NAALADL2: variants seen among roughly 807,000 people sequenced by gnomAD.
NAALADL2 encodes N-acetylated alpha-linked acidic dipeptidase like 2.
NAALADL2 carries 76 observed loss-of-function variants against 87.2 expected under a neutral mutation model. The observed-to-expected ratio is 0.87, with a 90% CI of 0.72 to 1.05. NAALADL2 has a LOEUF of 1.05. Ranked by LOEUF, NAALADL2 falls within the 50% of genes least tolerant of loss-of-function variation. The pLI, the probability that NAALADL2 is intolerant of heterozygous loss-of-function variation, is 0.00. For missense variants in NAALADL2, 1,089 were observed against 945.8 expected (o/e 1.15, Z -1.99); for synonymous variants, 354 against 331.0 (o/e 1.07, Z -0.75).
At chr3:175,017,649 C>G (rs1417228540) in intron 1 of NAALADL2, among the ~76,000 whole-genome samples, 6 of 152,046 alleles carry the variant, frequency 3.9e-5, no homozygotes, top group Non-Finnish European at 7.4e-5. Context: ...AAGACTCAGA[C>G]TAAAAATAGA....
chr3:175,338,280 T>C (rs1048911387), intron 5 of NAALADL2, among the ~76,000 whole-genome samples: 2 of 152,124 alleles, frequency 1.3e-5, no homozygotes, highest in African/African-American at 2.4e-5. Flanking sequence ...ATCTGATCCA[T>C]TTTAAGCATT....
At position 175,346,249 on chromosome 3, in the gene NAALADL2, AT is replaced by A. The variant is rs201477445; in HGVS notation, c.1090+21932del. Reference sequence around the variant, plus strand: ...TGCCACACAGAGATAAACTTCACTGATTTTTTTTAGCCACTCTTTTCTGTAT... The same window carrying A: ...TGCCACACAGAGATAAACTTCACTGATTTTTTTAGCCACTCTTTTCTGTAT... On this transcript the variant is annotated intron_variant, in intron 5 of 13. Transcript: ENST00000454872. Among the ~76,000 whole-genome samples the A allele has an allele frequency of 2.0e-4, 30 of 152,010 alleles. No individual in the cohort carries two copies. The East Asian group carries it at 2.5e-3, about 13-fold the overall frequency.
intron 2 of NAALADL2, among the ~76,000 whole-genome samples, chr3:174,638,510 C>T (rs1286533631): frequency 2.0e-5 from 3 of 151,942 alleles, no homozygotes; most frequent in Non-Finnish European, 4.4e-5. Flanking sequence ...TAGAGGTAAA[C>T]AGCCTTTTGC....
At chr3:174,737,790 T>G (rs1733360129) in intron 3 of NAALADL2, 1 of 152,216 alleles carries the variant, frequency 6.6e-6, no homozygotes, top group Non-Finnish European at 1.5e-5. Flanking sequence ...CTTTCATTCT[T>G]GAATCAACTT....
At chr3:174,489,393 A>G (rs62289933) in intron 1 of NAALADL2, among the ~76,000 whole-genome samples, 1 of 152,098 alleles carries the variant, frequency 6.6e-6, no homozygotes, top group East Asian at 1.9e-4. Flanking sequence ...CTCTTAGAAG[A>G]AAATTTATGA....
rs1754598166 is a variant in NAALADL2, at chr3:175,805,239, A to C, written c.*2036A>C. 6.6e-6 allele frequency: 1 copy of C among 151,922 alleles called. No homozygotes were observed. The highest frequency in any genetic ancestry group is 2.4e-5 in the African/African-American group (1 of 41,418). The allele number at this position is 151,922 out of a possible 1,614,324, so 9.4% of individuals were successfully genotyped here. ...TTATTTTAGAACAAATTTCTAAATT[A>C]ATTTATTCCCATAACCTACAATAGC... is the stretch of plus-strand genomic sequence containing the variant. On this transcript the variant is annotated 3_prime_UTR_variant, in exon 14 of 14. Coordinates refer to ENST00000454872, the MANE Select transcript of NAALADL2 (RefSeq NM_207015.3).
At chr3:175,110,772 A>G (rs1724054223) in intron 2 of NAALADL2, among the ~76,000 whole-genome samples, 2 of 151,872 alleles carry the variant, frequency 1.3e-5, no homozygotes, top group Non-Finnish European at 2.9e-5. Context: ...TGTCACTTAG[A>G]AAATAATTTG....
At chr3:175,138,874 T>A (rs1049076633) in intron 2 of NAALADL2, among the ~76,000 whole-genome samples, 9 of 130,450 alleles carry the variant, frequency 6.9e-5, no homozygotes, top group Admixed American at 2.4e-4. Flanking sequence ...GAAAAAAAAT[T>A]TCAGCCTTTT....
At chr3:175,619,481 A>AC (rs1251474047) in intron 10 of NAALADL2, among the ~76,000 whole-genome samples, 2 of 151,440 alleles carry the variant, frequency 1.3e-5, no homozygotes, top group Non-Finnish European at 2.9e-5. Flanking sequence ...GAAAAAAAAA[A>AC]AAAACAACTT....
chr3:175,735,304 C>T (rs766910529), intron 11 of NAALADL2, among the ~76,000 whole-genome samples: 2 of 152,202 alleles, frequency 1.3e-5, no homozygotes, highest in Non-Finnish European at 2.9e-5. Flanking sequence ...CAACAAATCT[C>T]TATGGAGTTG....
intron 10 of NAALADL2, among the ~76,000 whole-genome samples, chr3:175,590,648 G>A (rs1220626816): frequency 6.6e-6 from 1 of 152,126 alleles, no homozygotes; most frequent in Non-Finnish European, 1.5e-5. Flanking sequence ...CTAGGAAATA[G>A]AAAATGCATG....
intron 3 of NAALADL2, among the ~76,000 whole-genome samples, chr3:174,767,894 G>T (rs1714050356): frequency 6.6e-6 from 1 of 152,146 alleles, no homozygotes; most frequent in African/African-American, 2.4e-5. Flanking sequence ...AGTACAAGAG[G>T]TTATGTCAAT....
At position 175,118,071 on chromosome 3, in the gene NAALADL2, C is replaced by T. The variant is rs149741094; in HGVS notation, c.545+20780C>T. Among the ~76,000 whole-genome samples the T allele has an allele frequency of 5.9e-4, 90 of 151,680 alleles. 1 individual carries two copies. The highest frequency in any genetic ancestry group is 1.1e-3 in the Non-Finnish European group (76 of 67,930). ...ACAGGTGGGAACTGAACAATGAGAA[C>T]ACTTGGAAACAGGATGGGGAACATC... On this transcript the variant is annotated intron_variant, in intron 2 of 13. Coordinates refer to ENST00000454872, the MANE Select transcript of NAALADL2 (RefSeq NM_207015.3).
intron 2 of NAALADL2, among the ~76,000 whole-genome samples, chr3:175,225,698 A>G (rs1205200866): frequency 2.0e-5 from 3 of 152,140 alleles, no homozygotes; most frequent in Non-Finnish European, 2.9e-5. Context: ...TGAAAAAAAT[A>G]GAAATAATGA....
At position 175,406,812 on chromosome 3, in the gene NAALADL2, A is replaced by AT. The variant is rs983509808; in HGVS notation, c.1091-40408dup. Among the ~76,000 whole-genome samples the AT allele has an allele frequency of 9.5e-5, 14 of 146,630 alleles. No homozygotes were observed. In the South Asian group the frequency reaches 1.1e-3, roughly 11 times the overall value. ...CACCCACTTCCTTCACATTTTGTGC[A>AT]TTTTTTTTTCATTCTTTTGTTATGG... On this transcript the variant is annotated intron_variant, in intron 5 of 13. Transcript: ENST00000454872.
chr3:175,528,306 C>T lies in NAALADL2; in HGVS notation c.1654-47735C>T, dbSNP rs943879056. 7.2e-5 allele frequency among the ~76,000 whole-genome samples: 11 copies of T among 152,046 alleles called. No individual in the cohort carries two copies. In the South Asian group the frequency reaches 8.3e-4, roughly 11 times the overall value. ...CAAAACAGAAGAACTTGGAGTCCAACGTTCAAGGGCAGGAAGCATCCAGCC... is the reference window on the plus strand; with the variant it reads ...CAAAACAGAAGAACTTGGAGTCCAATGTTCAAGGGCAGGAAGCATCCAGCC... On this transcript the variant is annotated intron_variant, in intron 9 of 13. Coordinates refer to ENST00000454872, the MANE Select transcript of NAALADL2 (RefSeq NM_207015.3).
At chr3:174,474,223 C>T (rs1203217176) in intron 1 of NAALADL2, among the ~76,000 whole-genome samples, 1 of 152,142 alleles carries the variant, frequency 6.6e-6, no homozygotes, top group African/African-American at 2.4e-5. Context: ...TAATGCCTTA[C>T]TGAATTTAAC....
chr3:175,745,345 A>G (rs1745780356), intron 12 of NAALADL2, among the ~76,000 whole-genome samples: 2 of 152,220 alleles, frequency 1.3e-5, no homozygotes, highest in East Asian at 1.9e-4. Flanking sequence ...GATAGCTGAT[A>G]TACTTCAGAT....
At chr3:174,630,092 A>G (rs1001569350) in intron 2 of NAALADL2, among the ~76,000 whole-genome samples, 12 of 152,324 alleles carry the variant, frequency 7.9e-5, no homozygotes, top group African/African-American at 2.9e-4. Flanking sequence ...CATTATGTCT[A>G]TAATGCTTAC....
Sources: allele counts gnomAD v4.1 joint callset (sites outside exome capture counted in the v4.1 genomes callset), GRCh38; gene constraint gnomAD v4.1.1; transcripts MANE v1.5; gene names NCBI Gene and HGNC (gene_info 2026-07-23, HGNC 2026-07-21).